Variants in RUNDC1 observed in about 807,000 individuals in gnomAD.
RUNDC1 encodes the protein RUN domain containing 1.
RUNDC1 carries 31 observed loss-of-function variants against 49.3 expected under a neutral mutation model. The ratio of observed to expected loss-of-function variants is 0.63; its 90% CI spans 0.47 to 0.85. RUNDC1 has a LOEUF of 0.85. Among genes scored for constraint, RUNDC1 ranks in the 40% least tolerant of loss-of-function variants. RUNDC1 has a pLI of 0.00. For missense variants in RUNDC1, 715 were observed against 806.7 expected, an observed-to-expected ratio of 0.89 and a Z score of 1.38; for synonymous variants, 347 against 348.6, an observed-to-expected ratio of 1.00 and a Z score of 0.05.
intron 1 of RUNDC1, among the ~76,000 whole-genome samples, chr17:42,982,656 T>C (rs904566560): frequency 6.6e-6 from 1 of 152,172 alleles, no homozygotes; most frequent in Non-Finnish European, 1.5e-5. Context: ...CCCATAAATA[T>C]ATACACATAC....
chr17:42,983,375 C>CTTTTT (rs1179147349), intron 1 of RUNDC1, among the ~76,000 whole-genome samples: 6 of 129,548 alleles, frequency 4.6e-5, no homozygotes, highest in East Asian at 4.4e-4. Flanking sequence ...TTTCTTTTTC[C>CTTTTT]TTTTTTTTTT....
chr17:42,994,654 C>T lies in RUNDC1; in HGVS notation c.*2938C>T, dbSNP rs548441193. Among the ~76,000 whole-genome samples the T allele has an allele frequency of 4.6e-4, 70 of 152,244 alleles. No individual in the cohort carries two copies. The highest frequency in any genetic ancestry group is 7.8e-4 in the Non-Finnish European group (53 of 68,022). Reference sequence around the variant, plus strand: ...AGGACAAGGCTGCAGGGAGACAGGCCGGCAGCCATGACTTTCATGTCTAAG... The same window carrying T: ...AGGACAAGGCTGCAGGGAGACAGGCTGGCAGCCATGACTTTCATGTCTAAG... On this transcript the variant is annotated 3_prime_UTR_variant, in exon 5 of 5. Coordinates refer to ENST00000361677, the MANE Select transcript of RUNDC1 (RefSeq NM_173079.5).
intron 1 of RUNDC1, among the ~76,000 whole-genome samples, chr17:42,984,748 G>A (rs1338802557): frequency 4.3e-5 from 6 of 140,386 alleles, no homozygotes; most frequent in Admixed American, 3.9e-4. Flanking sequence ...TTTCTTCCCT[G>A]ACATAAAGTT....
rs779129756 is a variant in RUNDC1, at chr17:42,991,191, C to T, written c.1317C>T (p.Ala439=). The T allele has an allele frequency of 1.2e-6, 2 of 1,614,190 alleles. No homozygotes were observed. Among genetic ancestry groups the T allele is most frequent in the African/African-American group, 1.3e-5 (1 of 75,048 alleles). ...ELTVAVRDLL[A]HGLYASSPGM... ...CGGTGGCTGTGAGGGACCTGCTGGC[C>T]CATGGACTGTATGCCTCCTCCCCAG... The change falls in exon 5 of 5, where the codon GCC becomes GCT. Residue 439 remains alanine (A), a synonymous_variant. Coordinates refer to ENST00000361677, the MANE Select transcript of RUNDC1 (RefSeq NM_173079.5).
In RUNDC1 at chr17:42,980,848, A is replaced by T; in HGVS notation, c.272A>T (p.Asp91Val). 7.1e-7 allele frequency: 1 copy of T among 1,405,532 alleles called. No homozygotes were observed. Among genetic ancestry groups the T allele is most frequent in the South Asian group, 1.6e-5 (1 of 64,432 alleles). The allele number at this position is 1,405,532 out of a possible 1,614,324, so 87.1% of individuals were successfully genotyped here. Residue 91 changes from aspartate (D) to valine (V), a missense_variant, in exon 1 of 5, where the codon GAC becomes GTC. Physicochemically the swap from Asp to Val is radical, Grantham distance 152. Transcript: ENST00000361677. ...RRLRAERRRL[D>V]SALLALSSHF... ...CTGCGGGCAGAGCGGCGGCGGCTGG[A>T]CTCGGCGCTGCTGGCGCTGTCCTCG...
chr17:42,991,588 T>C lies in RUNDC1; in HGVS notation c.1714T>C (p.Trp572Arg). ...ACTCATCGAGCCTCACTACCAGCCCTGGAGCTACATGGCACACACAGGCTT... is the reference window on the plus strand; with the variant it reads ...ACTCATCGAGCCTCACTACCAGCCCCGGAGCTACATGGCACACACAGGCTT... ...GSLIEPHYQP[W>R]SYMAHTGFES... Residue 572 changes from tryptophan (W) to arginine (R), a missense_variant, in exon 5 of 5, where the codon TGG becomes CGG. Around this residue, in one of 5 missense-constraint regions of RUNDC1, gnomAD observed 425 missense variants for 499.7 expected, o/e 0.85. Coordinates refer to ENST00000361677, the MANE Select transcript of RUNDC1 (RefSeq NM_173079.5). The C allele has an allele frequency of 1.2e-6, 2 of 1,614,178 alleles. No individual in the cohort carries two copies. The highest frequency in any genetic ancestry group is 1.7e-6 in the Non-Finnish European group (2 of 1,180,038).
rs1164072533 is a variant in RUNDC1 at position 42,990,329 on chromosome 17, G to A, written c.869G>A (p.Ser290Asn). 6.2e-7 allele frequency: 1 copy of A among 1,613,970 alleles called. No individual in the cohort carries two copies. Among genetic ancestry groups the A allele is most frequent in the Admixed American group, 1.7e-5 (1 of 59,984 alleles). Residue 290 changes from serine to asparagine, a missense_variant, in exon 4 of 5, where the codon AGC (serine) becomes AAC (asparagine). Physicochemically the swap from Ser to Asn is conservative, Grantham distance 46. This residue lies in a region of RUNDC1 where 425 missense variants were observed against 499.7 expected (regional missense o/e 0.85). Coordinates refer to ENST00000361677, the MANE Select transcript of RUNDC1 (RefSeq NM_173079.5). Reference sequence around the variant, plus strand: ...TTTCTGATTCCAGATGAAGTGGGAAGCCCCTTGCAGACAGGTGGTGGACAC... The same window carrying A: ...TTTCTGATTCCAGATGAAGTGGGAAACCCCTTGCAGACAGGTGGTGGACAC... Reference protein sequence around the residue: ...FINFIQDEVGSPLQTGGGHCE... With the variant: ...FINFIQDEVGNPLQTGGGHCE...
intron 1 of RUNDC1, among the ~76,000 whole-genome samples, chr17:42,983,375 CTTTTTTTTTT>C (rs1179147349): frequency 7.7e-6 from 1 of 129,554 alleles, no homozygotes; most frequent in Non-Finnish European, 1.6e-5. Context: ...TTTCTTTTTC[CTTTTTTTTTT>C]TTTTTTTTTT....
In RUNDC1 at chr17:42,992,194, GAC is replaced by G. The variant is rs1567733955; in HGVS notation, c.*480_*481del. ...CGCGCCACTGCACTCCAGCCTGGGC[GAC>G]AGAGTGAGACTCCGTCTCAAAAAAA... is the stretch of plus-strand genomic sequence containing the variant. On this transcript the variant is annotated 3_prime_UTR_variant, in exon 5 of 5. Transcript: ENST00000361677. 6 of 155,766 alleles carry G rather than the reference GAC, an allele frequency of 3.9e-5. No homozygotes were observed. The highest frequency in any genetic ancestry group is 1.5e-4 in the African/African-American group (6 of 39,692). 9.6% of individuals were successfully genotyped at this position (155,766 alleles called of 1,614,324 possible).
chr17:42,993,039 G>T lies in RUNDC1; in HGVS notation c.*1323G>T, dbSNP rs1400247802. The T allele has an allele frequency of 2.0e-5, 3 of 152,154 alleles. No homozygotes were observed. Among genetic ancestry groups the T allele is most frequent in the Non-Finnish European group, 2.9e-5 (2 of 68,032 alleles). 9.4% of individuals were successfully genotyped at this position (152,154 alleles called of 1,614,324 possible). ...CGAGAAAATCCTGGCTACCCAAGTCGAGTATATACAGGAATACAAATCGGT... is the reference window on the plus strand; with the variant it reads ...CGAGAAAATCCTGGCTACCCAAGTCTAGTATATACAGGAATACAAATCGGT... On this transcript the variant is annotated 3_prime_UTR_variant, in exon 5 of 5. Transcript: ENST00000361677.
At position 42,995,091 on chromosome 17, in the gene RUNDC1, A is replaced by G. The variant is rs2050289487; in HGVS notation, c.*3375A>G. On this transcript the variant is annotated 3_prime_UTR_variant, in exon 5 of 5. Coordinates refer to ENST00000361677, the MANE Select transcript of RUNDC1 (RefSeq NM_173079.5). ...AACACAGTCTAGCAAAGGAGATACC[A>G]TACCAATTGGAGATTTGGAGAGACT... 7.9e-6 allele frequency among the ~76,000 whole-genome samples: 1 copy of G among 126,674 alleles called. No individual in the cohort carries two copies. The highest frequency in any genetic ancestry group is 2.8e-5 in the African/African-American group (1 of 35,342). 83.1% of individuals were successfully genotyped at this position (126,674 alleles called of 152,430 possible).
In RUNDC1 at chr17:42,988,630, G is replaced by A. The variant is rs187883702; in HGVS notation, c.658-711G>A. Among the ~76,000 whole-genome samples, 871 of 152,212 alleles carry A rather than the reference G, an allele frequency of 5.7e-3. 9 individuals are homozygous for A. Among genetic ancestry groups the A allele is most frequent in the Non-Finnish European group, 4.2e-3 (286 of 68,018 alleles). The stretch of plus-strand genomic sequence containing the variant: ...ATAATGCACCTTGATATTTTATAGA[G>A]ATTTTTCTTTAGTTGCCTACAGTAG... On this transcript the variant is annotated intron_variant, in intron 2 of 4. Transcript: ENST00000361677.
chr17:42,980,811 A>T lies in RUNDC1; in HGVS notation c.235A>T (p.Thr79Ser). 1 of 1,380,026 alleles carries T rather than the reference A, an allele frequency of 7.2e-7. No homozygotes were observed. The allele number at this position is 1,380,026 out of a possible 1,614,324, so 85.5% of individuals were successfully genotyped here. Residue 79 changes from threonine (T) to serine (S), a missense_variant, in exon 1 of 5, where the codon ACG becomes TCG. Around this residue, in one of 5 missense-constraint regions of RUNDC1, gnomAD observed 153 missense variants for 139.4 expected, o/e 1.10. Transcript: ENST00000361677. ...PGSPPDSPGR[T>S]LRRLRAERRR... The stretch of plus-strand genomic sequence containing the variant: ...CTCCCCGCCGGATTCGCCGGGCCGG[A>T]CGCTGCGGCGGCTGCGGGCAGAGCG...
rs753362536 is a variant in RUNDC1 at position 42,980,608 on chromosome 17, T to A, written c.32T>A (p.Val11Glu). MAAVEAAAEP[V>E]TVVAAVGPKA... Reference sequence around the variant, plus strand: ...GCTGTCGAAGCGGCTGCAGAGCCGGTAACGGTGGTGGCGGCTGTTGGGCCA... The same window carrying A: ...GCTGTCGAAGCGGCTGCAGAGCCGGAAACGGTGGTGGCGGCTGTTGGGCCA... The change falls in exon 1 of 5, where the codon GTA (valine) becomes GAA (glutamate). Residue 11 changes from valine to glutamate, a missense_variant. Val to Glu is a moderately radical substitution (Grantham distance 121). Coordinates refer to ENST00000361677, the MANE Select transcript of RUNDC1 (RefSeq NM_173079.5). 1.1e-5 allele frequency: 18 copies of A among 1,609,360 alleles called. 2 individuals are homozygous for A. The highest frequency in any genetic ancestry group is 4.5e-4 in the Middle Eastern group (2 of 4,434).
At chr17:42,988,165 T>C (rs569980037) in intron 2 of RUNDC1, among the ~76,000 whole-genome samples, 1 of 152,258 alleles carries the variant, frequency 6.6e-6, no homozygotes, top group South Asian at 2.1e-4. Context: ...GTAAATCTCT[T>C]GGTAGAGATA....
intron 1 of RUNDC1, among the ~76,000 whole-genome samples, chr17:42,984,488 C>T (rs1337017225): frequency 6.6e-6 from 1 of 152,158 alleles, no homozygotes; most frequent in East Asian, 1.9e-4. Flanking sequence ...GCCATGTTGG[C>T]CAGGCTGGTC....
Position 42,991,710 on chromosome 17 carries a change from C to T in RUNDC1, c.1836C>T (p.Ala612=). The change falls in exon 5 of 5, where the codon GCC becomes GCT. Residue 612 remains alanine (A), a synonymous_variant. Transcript: ENST00000361677. ...AVRQLKNIKD[A]F ...GCCAGCTCAAAAACATCAAAGATGC[C>T]TTTTGATGAGAGTGCCCTAACCCCA... 1 of 1,610,116 alleles carries T rather than the reference C, an allele frequency of 6.2e-7. No individual in the cohort carries two copies. The highest frequency in any genetic ancestry group is 8.5e-7 in the Non-Finnish European group (1 of 1,178,206).
At chr17:42,985,929 C>T (rs1367927792) in intron 1 of RUNDC1, among the ~76,000 whole-genome samples, 2 of 152,116 alleles carry the variant, frequency 1.3e-5, no homozygotes, top group Non-Finnish European at 2.9e-5. Flanking sequence ...AACGTTGTTA[C>T]CTTCACATCC....
At chr17:42,985,634 ATTAC>A (rs141867445) in intron 1 of RUNDC1, 352,502 of 522,660 alleles carry the variant, frequency 0.67, 125,071 homozygotes, top group East Asian at 0.84. Context: ...CTTCTCTCTC[ATTAC>A]TTACTTCTTC....
Sources: gnomAD v4.1 joint callset for allele counts (sites outside exome capture counted in the v4.1 genomes callset) on GRCh38, gnomAD v4.1.1 for gene constraint, gnomAD v4.1.1 regional missense constraint, MANE v1.5 for transcripts, NCBI Gene and HGNC (gene_info 2026-07-23, HGNC 2026-07-21) for gene names.